MYCBPAP: variants seen among roughly 807,000 people sequenced by gnomAD.
MYCBPAP encodes MYCBP associated protein, also known as MYCBP-associated protein.
Under a neutral mutation model 106.1 loss-of-function variants are expected in MYCBPAP, and 60 were observed. The ratio of observed to expected loss-of-function variants is 0.57; its 90% CI spans 0.46 to 0.70. MYCBPAP has a LOEUF of 0.70. Among genes scored for constraint, MYCBPAP ranks in the 30% least tolerant of loss-of-function variants. The probability of loss-of-function intolerance (pLI) is 0.00; values close to 1 mark genes in which losing one functional copy is unlikely to be tolerated. For missense variants in MYCBPAP, 1,064 were observed against 1,169.3 expected (o/e 0.91, Z 1.31); for synonymous variants, 407 against 440.6 (o/e 0.92, Z 0.95).
At position 50,516,600 on chromosome 17, in the gene MYCBPAP, C is replaced by G. The variant is rs749886404; in HGVS notation, c.107C>G (p.Pro36Arg). 4 of 1,614,010 alleles carry G rather than the reference C, an allele frequency of 2.5e-6. No homozygotes were observed. The Admixed American group carries it at 6.7e-5, about 27-fold the overall frequency. Reference sequence around the variant, plus strand: ...AAGCGGGCAAAGGGACCTGAACAACCCACACCCACAATTCAGGAAGAGCCT... The same window carrying G: ...AAGCGGGCAAAGGGACCTGAACAACGCACACCCACAATTCAGGAAGAGCCT... The part of the protein sequence containing the change: ...EKKRAKGPEQ[P>R]TPTIQEEPEP... The change falls in exon 2 of 19, where the codon CCC becomes CGC. Residue 36 changes from proline to arginine, a missense_variant. Transcript: ENST00000323776.
chr17:50,521,127 G>C lies in MYCBPAP; in HGVS notation c.934G>C (p.Asp312His). Residue 312 changes from aspartate to histidine, a missense_variant, in exon 8 of 19, where the codon GAC becomes CAC. Asp to His is a moderately conservative substitution (Grantham distance 81). Transcript: ENST00000323776. ...CATGCTAGGATTACCAGCCCAGAGGGACGCTTCATACCGCTACACCTGGGA... is the reference window on the plus strand; with the variant it reads ...CATGCTAGGATTACCAGCCCAGAGGCACGCTTCATACCGCTACACCTGGGA... ...RVETGLPAQR[D>H]ASYRYTWDRS... 1 of 1,612,964 alleles carries C rather than the reference G, an allele frequency of 6.2e-7. No individual in the cohort carries two copies. Among genetic ancestry groups the C allele is most frequent in the South Asian group, 1.1e-5 (1 of 90,736 alleles).
At chr17:50,523,551 A>G (rs765599799) in intron 11 of MYCBPAP, 46 bp from the exon 12 acceptor site, 60 of 1,594,614 alleles carry the variant, frequency 3.8e-5, no homozygotes, top group Non-Finnish European at 5.0e-5. Flanking sequence ...CCTGGGGCTC[A>G]GCCAGCTCCT....
At position 50,524,991 on chromosome 17, in the gene MYCBPAP, G is replaced by T; in HGVS notation, c.1750G>T (p.Glu584Ter). The T allele has an allele frequency of 6.2e-7, 1 of 1,613,726 alleles. No individual in the cohort carries two copies. Among genetic ancestry groups the T allele is most frequent in the Non-Finnish European group, 8.5e-7 (1 of 1,179,894 alleles). Residue 584 changes from glutamate (E) to a stop codon, truncating the protein, a stop_gained, in exon 13 of 19, where the codon GAG becomes TAG. Transcript: ENST00000323776. LOFTEE classifies it high-confidence loss of function. ...TPSPVDAYLT[E>*]EDLFRHRNPP... is the part of the protein sequence containing the mutation. ...ATCACCTGTGGATGCCTATCTCACC[G>T]AGGAAGACTTGTTCCGGCACAGAAA... is the stretch of plus-strand genomic sequence containing the variant.
chr17:50,529,576 G>A, intron 18 of MYCBPAP: 1 of 392,618 alleles, frequency 2.5e-6, no homozygotes, highest in South Asian at 1.9e-5. Context: ...CATAGGGGTG[G>A]GGGATGGTTT....
At chr17:50,508,799 G>A in intron 1 of MYCBPAP, 49 bp downstream of exon 1, 2 of 1,525,572 alleles carry the variant, frequency 1.3e-6, no homozygotes, top group Non-Finnish European at 1.8e-6. Flanking sequence ...GAGGGGAAGC[G>A]GTCCCCGGAA....
chr17:50,530,564 G>A (rs1380437842), intron 18 of MYCBPAP, among the ~76,000 whole-genome samples: 1 of 150,804 alleles, frequency 6.6e-6, no homozygotes. Flanking sequence ...GGAAGGCTGA[G>A]GCAGGTGGAT....
chr17:50,519,120 C>T (rs770430391), intron 6 of MYCBPAP, 31 bp downstream of exon 6: 4 of 1,434,286 alleles, frequency 2.8e-6, no homozygotes, highest in South Asian at 1.3e-5. Flanking sequence ...TGCCCGGGGG[C>T]AGGGGGGTCC....
In MYCBPAP at chr17:50,523,684, G is replaced by T; in HGVS notation, c.1535G>T (p.Arg512Leu). Residue 512 changes from arginine (R) to leucine (L), a missense_variant, in exon 12 of 19, where the codon CGA becomes CTA. Physicochemically the swap from Arg to Leu is moderately radical, Grantham distance 102 (BLOSUM62 -2). Coordinates refer to ENST00000323776, the MANE Select transcript of MYCBPAP (RefSeq NM_032133.6). ...AGVFREFWEF[R>L]THPTLLGGAI... Reference sequence around the variant, plus strand: ...GTCTTCAGGGAATTTTGGGAGTTTCGAACCCATCCTACTCTATTAGGAGGT... The same window carrying T: ...GTCTTCAGGGAATTTTGGGAGTTTCTAACCCATCCTACTCTATTAGGAGGT... The T allele has an allele frequency of 2.5e-6, 4 of 1,614,078 alleles. No homozygotes were observed. Among genetic ancestry groups the T allele is most frequent in the Non-Finnish European group, 3.4e-6 (4 of 1,180,024 alleles).
chr17:50,527,174 G>GC (rs1324225785), intron 14 of MYCBPAP, 113 bp from the exon 15 acceptor site: 2 of 1,464,620 alleles, frequency 1.4e-6, no homozygotes, highest in African/African-American at 1.4e-5. Flanking sequence ...CTCCATAGCT[G>GC]CATCCCCTCC....
chr17:50,517,875 G>C (rs2034111570), intron 4 of MYCBPAP, among the ~76,000 whole-genome samples, 177 bp downstream of exon 4: 1 of 152,232 alleles, frequency 6.6e-6, no homozygotes. Flanking sequence ...GCTGAAGCTG[G>C]CTTCAGTGAA....
At chr17:50,519,329 G>T in intron 6 of MYCBPAP, 1 of 585,576 alleles carries the variant, frequency 1.7e-6, no homozygotes, top group African/African-American at 1.9e-5. Context: ...CTTAGTGTTT[G>T]TCTCCTAGGA....
At position 50,523,802 on chromosome 17, in the gene MYCBPAP, A is replaced by G. The variant is rs374490269; in HGVS notation, c.1635+18A>G. 8 of 1,608,650 alleles carry G rather than the reference A, an allele frequency of 5.0e-6. No individual in the cohort carries two copies. In the African/African-American group the frequency reaches 9.4e-5, roughly 19 times the overall value. On this transcript the variant is annotated intron_variant, in intron 12 of 18. Coordinates refer to ENST00000323776, the MANE Select transcript of MYCBPAP (RefSeq NM_032133.6). ...TACTGGAGGTAAGGGACCCAGGACC[A>G]TGGCCCCTGTGGACATCAGGTAGGG...
At chr17:50,514,824 AT>A (rs1208316000) in intron 1 of MYCBPAP, 6 of 383,086 alleles carry the variant, frequency 1.6e-5, no homozygotes, top group Non-Finnish European at 3.2e-5. Flanking sequence ...TGCCTGGTTA[AT>A]TTTTTGATTT....
chr17:50,515,228 G>A (rs542842407), intron 1 of MYCBPAP, among the ~76,000 whole-genome samples: 51 of 141,810 alleles, frequency 3.6e-4, no homozygotes, highest in African/African-American at 7.5e-4. Context: ...TCCCACGCCC[G>A]CCGACTCAGG....
chr17:50,522,047 C>A lies in MYCBPAP; in HGVS notation c.1223C>A (p.Ala408Asp). The change falls in exon 10 of 19, where the codon GCT becomes GAT. Residue 408 changes from alanine to aspartate, a missense_variant. Ala to Asp is a moderately radical substitution (Grantham distance 126, BLOSUM62 -2). Coordinates refer to ENST00000323776, the MANE Select transcript of MYCBPAP (RefSeq NM_032133.6). ...TCTCTGCTGTTCTGTGGGAAGCCAG[C>A]TTGCTGGATCAGAGGCAGTAATCCA... ...GPSLLFCGKP[A>D]CWIRGSNPQD... 1.9e-6 allele frequency: 3 copies of A among 1,614,052 alleles called. No individual in the cohort carries two copies. The highest frequency in any genetic ancestry group is 2.5e-6 in the Non-Finnish European group (3 of 1,179,932).
rs745608809 is a variant in MYCBPAP at position 50,518,643 on chromosome 17, GCCCCA to G, written c.574_578del (p.Pro192SerfsTer12). 6.2e-7 allele frequency: 1 copy of G among 1,610,474 alleles called. No individual in the cohort carries two copies. Among genetic ancestry groups the G allele is most frequent in the South Asian group, 1.1e-5 (1 of 90,632 alleles). ...AAAAGAAGAGAAGAGACCTCCCTGG[GCCCCA>G]CCTCCTCAGCACAACTTTCTGAAAA... On this transcript the variant is annotated frameshift_variant, in exon 5 of 19. Transcript: ENST00000323776. LOFTEE classifies it high-confidence loss of function.
chr17:50,526,048 C>G lies in MYCBPAP; in HGVS notation c.1950C>G (p.Ser650Arg). 1 of 1,613,948 alleles carries G rather than the reference C, an allele frequency of 6.2e-7. No homozygotes were observed. The highest frequency in any genetic ancestry group is 8.5e-7 in the Non-Finnish European group (1 of 1,180,024). The change falls in exon 14 of 19, where the codon AGC becomes AGG. Residue 650 changes from serine (S) to arginine (R), a missense_variant. By Grantham distance (110) the Ser-to-Arg change is moderately radical. Transcript: ENST00000323776. ...VNAELLPRFR[S>R]PISETQVPRP... Reference sequence around the variant, plus strand: ...CTGAGCTGTTACCACGCTTTAGGAGCCCCATCTCCGAAACTCAAGTGCCCC... The same window carrying G: ...CTGAGCTGTTACCACGCTTTAGGAGGCCCATCTCCGAAACTCAAGTGCCCC...
intron 6 of MYCBPAP, 115 bp downstream of exon 6, chr17:50,519,204 A>C: frequency 1.4e-6 from 1 of 700,040 alleles, no homozygotes; most frequent in South Asian, 1.9e-5. Flanking sequence ...GGGAGAAAAA[A>C]CCTATCCATT....
intron 7 of MYCBPAP, among the ~76,000 whole-genome samples, chr17:50,520,438 G>A (rs537877823): frequency 6.6e-6 from 1 of 152,262 alleles, no homozygotes; most frequent in South Asian, 2.1e-4. Flanking sequence ...CTGGGAGGTG[G>A]AGGTTGCAGT....
Sources: allele counts gnomAD v4.1 joint callset (sites outside exome capture counted in the v4.1 genomes callset), GRCh38; gene constraint gnomAD v4.1.1; transcripts MANE v1.5; gene names NCBI Gene and HGNC (gene_info 2026-07-23, HGNC 2026-07-21).